Variants in COL23A1 observed in about 807,000 individuals in gnomAD.
The protein encoded by COL23A1 is collagen type XXIII alpha 1 chain.
COL23A1 carries 97 observed loss-of-function variants against 99.3 expected under a neutral mutation model. The ratio of observed to expected loss-of-function variants is 0.98; its 90% confidence interval spans 0.83 to 1.16. The LOEUF (loss-of-function observed/expected upper bound fraction) is 1.16. COL23A1 is among the 50% of genes most tolerant of loss of function. The pLI is 0.00. For missense variants in COL23A1, 762 were observed against 757.4 expected (o/e 1.01, Z -0.07); for synonymous variants, 320 against 308.2 (o/e 1.04, Z -0.40).
intron 2 of COL23A1, among the ~76,000 whole-genome samples, chr5:178,494,902 C>T (rs1264209266): frequency 6.6e-6 from 1 of 152,204 alleles, no homozygotes; most frequent in Non-Finnish European, 1.5e-5. Context: ...CCAGCACACG[C>T]ACATCTGCCT....
chr5:178,568,924 C>A (rs1450315653), intron 1 of COL23A1, among the ~76,000 whole-genome samples: 1 of 152,120 alleles, frequency 6.6e-6, no homozygotes, highest in Non-Finnish European at 1.5e-5. Context: ...GTTTTCAATT[C>A]TTTGGGGTAT....
chr5:178,461,303 C>T (rs1392656964), intron 2 of COL23A1, among the ~76,000 whole-genome samples: 1 of 152,182 alleles, frequency 6.6e-6, no homozygotes, highest in Non-Finnish European at 1.5e-5. Flanking sequence ...TGGCTGTTTC[C>T]ACCACAAGGG....
In COL23A1 at chr5:178,340,909, C is replaced by T. The variant is rs1446094084; in HGVS notation, c.362-33990G>A. Among the ~76,000 whole-genome samples the T allele has an allele frequency of 6.6e-6, 1 of 152,224 alleles. No individual in the cohort carries two copies. The highest frequency in any genetic ancestry group is 1.5e-5 in the Non-Finnish European group (1 of 68,044). ...TGGGCGCGGGGCTCAAGGTCAGACC[C>T]CGCAGGGGTGGCTGTCCTGCCAGGC... On this transcript the variant is annotated intron_variant, in intron 2 of 28. Transcript: ENST00000390654. The surrounding 1 kb of genome is among the most constrained non-coding windows in gnomAD (Gnocchi z 4.7).
intron 2 of COL23A1, among the ~76,000 whole-genome samples, chr5:178,362,637 G>T (rs1762233873): frequency 6.6e-6 from 1 of 152,182 alleles, no homozygotes; most frequent in South Asian, 2.1e-4. Context: ...GACTGGCTCA[G>T]AGTGTAAAAT....
chr5:178,472,909 G>A (rs1756831979), intron 2 of COL23A1, among the ~76,000 whole-genome samples: 1 of 152,170 alleles, frequency 6.6e-6, no homozygotes, highest in Non-Finnish European at 1.5e-5. Context: ...AGGGTTGCTT[G>A]AGCCTGGGAG....
At chr5:178,516,859 A>C (rs1171208231) in intron 2 of COL23A1, among the ~76,000 whole-genome samples, 1 of 152,184 alleles carries the variant, frequency 6.6e-6, no homozygotes, top group African/African-American at 2.4e-5. Flanking sequence ...ACTAATCAGT[A>C]GTTAAATAAG....
intron 6 of COL23A1, among the ~76,000 whole-genome samples, chr5:178,269,406 A>C (rs796312390): frequency 0.014 from 247 of 17,532 alleles, 2 homozygotes; most frequent in African/African-American, 0.033. Context: ...CATCCATCCA[A>C]CCATCCATCC....
intron 2 of COL23A1, among the ~76,000 whole-genome samples, chr5:178,500,565 A>G (rs1305482255): frequency 6.6e-6 from 1 of 151,342 alleles, no homozygotes; most frequent in Non-Finnish European, 1.5e-5. Context: ...TGATTGCACC[A>G]CTGTACTCTA....
intron 2 of COL23A1, among the ~76,000 whole-genome samples, chr5:178,556,451 C>T (rs888149524): frequency 2.0e-5 from 3 of 151,392 alleles, no homozygotes; most frequent in Admixed American, 6.6e-5. Flanking sequence ...GGTGAAACCC[C>T]GTCTCTAATA....
chr5:178,561,139 C>T (rs1252668189), intron 1 of COL23A1, among the ~76,000 whole-genome samples: 2 of 152,212 alleles, frequency 1.3e-5, no homozygotes, highest in East Asian at 3.8e-4. Context: ...ATGCTCCAGG[C>T]GGCTTTCTGC....
chr5:178,263,424 A>C lies in COL23A1; in HGVS notation c.523-100T>G, dbSNP rs1267472017. On this transcript the variant is annotated intron_variant, in intron 8 of 28. Transcript: ENST00000390654. ...GCAGCCCCACGCCATCCCCTTCCCC[A>C]GCCCTTGGGCAGGCTCAAAGGGGAG... 3 of 738,290 alleles carry C rather than the reference A, an allele frequency of 4.1e-6. No homozygotes were observed. The East Asian group carries it at 8.1e-5, about 20-fold the overall frequency. 45.7% of individuals were successfully genotyped at this position (738,290 alleles called of 1,614,324 possible).
chr5:178,379,065 G>T (rs1480676317), intron 2 of COL23A1, among the ~76,000 whole-genome samples: 1 of 152,154 alleles, frequency 6.6e-6, no homozygotes, highest in Non-Finnish European at 1.5e-5. Context: ...TAGCCTGTCT[G>T]GTTATGGGAG....
Position 178,281,062 on chromosome 5 carries a change from CCT to C in COL23A1, c.441+7260_441+7261del, listed in dbSNP as rs1414523426. The stretch of plus-strand genomic sequence containing the variant: ...AGCATGGTGGCCCTGGTTGCATCTC[CCT>C]GAGGTTCCAGTCTGCGTGCCATTAT... On this transcript the variant is annotated intron_variant, in intron 5 of 28. Transcript: ENST00000390654. This position sits in a 1 kb window ranked among gnomAD's most constrained non-coding sequence, Gnocchi z 4.0. Among the ~76,000 whole-genome samples, 2 of 152,164 alleles carry C rather than the reference CCT, an allele frequency of 1.3e-5. No individual in the cohort carries two copies. The highest frequency in any genetic ancestry group is 2.9e-5 in the Non-Finnish European group (2 of 68,032).
chr5:178,292,595 G>A (rs998231282), intron 3 of COL23A1, among the ~76,000 whole-genome samples: 2 of 152,172 alleles, frequency 1.3e-5, no homozygotes, highest in Admixed American at 6.5e-5. Context: ...AAAGATCCCC[G>A]TGTGGGGTAG....
At chr5:178,318,689 G>A (rs1038976725) in intron 2 of COL23A1, among the ~76,000 whole-genome samples, 1 of 152,196 alleles carries the variant, frequency 6.6e-6, no homozygotes, top group Non-Finnish European at 1.5e-5. Context: ...ATCACCTGAG[G>A]TCAGGAGTTC....
intron 2 of COL23A1, among the ~76,000 whole-genome samples, chr5:178,354,918 C>T (rs1368764904): frequency 2.0e-5 from 3 of 152,022 alleles, no homozygotes; most frequent in Non-Finnish European, 2.9e-5. Flanking sequence ...ATTAGTTGGG[C>T]ATGGTGGTGT....
At chr5:178,374,434 C>T (rs1035168938) in intron 2 of COL23A1, among the ~76,000 whole-genome samples, 5 of 152,182 alleles carry the variant, frequency 3.3e-5, no homozygotes, top group Non-Finnish European at 7.3e-5. Context: ...GACAGCAGCT[C>T]GTGGCTGTGC....
intron 14 of COL23A1, 63 bp from the exon 15 acceptor site, chr5:178,256,460 C>T (rs1765305013): frequency 6.8e-7 from 1 of 1,479,646 alleles, no homozygotes; most frequent in Non-Finnish European, 9.1e-7. Flanking sequence ...CCTCCCACGA[C>T]CCTGCCCCCA....
intron 2 of COL23A1, among the ~76,000 whole-genome samples, chr5:178,553,201 C>T (rs561286832): frequency 2.7e-5 from 4 of 149,512 alleles, no homozygotes; most frequent in Admixed American, 6.7e-5. Context: ...CCCAAGACAG[C>T]GTGTGCCCTT....
Sources: gnomAD v4.1 joint callset for allele counts (sites outside exome capture counted in the v4.1 genomes callset) on GRCh38, gnomAD v4.1.1 for gene constraint, Gnocchi (gnomAD v3.1) non-coding constraint, MANE v1.5 for transcripts, NCBI Gene and HGNC (gene_info 2026-07-23, HGNC 2026-07-21) for gene names.